DCUN1D4: variants seen among roughly 807,000 people sequenced by gnomAD.
DCUN1D4 encodes the protein defective in cullin neddylation 1 domain containing 4.
DCUN1D4 carries 22 observed loss-of-function variants against 47.9 expected under a neutral mutation model. The ratio of observed to expected loss-of-function variants is 0.46; its 90% CI spans 0.33 to 0.66. The LOEUF (loss-of-function observed/expected upper bound fraction) is 0.66. DCUN1D4 is among the 30% of genes least tolerant of loss of function. The probability of loss-of-function intolerance (pLI) is 0.02; values close to 1 mark genes in which losing one functional copy is unlikely to be tolerated. For missense variants in DCUN1D4, 301 were observed against 340.8 expected (o/e 0.88, Z 0.92); for synonymous variants, 121 against 112.2 (o/e 1.08, Z -0.50).
At position 51,916,261 on chromosome 4, in the gene DCUN1D4, T is replaced by A. The variant is rs1050177110; in HGVS notation, c.*2677T>A. 1 of 152,232 alleles carries A rather than the reference T, an allele frequency of 6.6e-6. No individual in the cohort carries two copies. The highest frequency in any genetic ancestry group is 1.5e-5 in the Non-Finnish European group (1 of 68,008). 9.4% of individuals were successfully genotyped at this position (152,232 alleles called of 1,614,324 possible). ...AGGTCAGAAATTGTATTATTTGATT[T>A]GCCTCAAACATCCACTGTAATGTTA... is the stretch of plus-strand genomic sequence containing the variant. On this transcript the variant is annotated 3_prime_UTR_variant, in exon 11 of 11. Coordinates refer to ENST00000334635, the MANE Select transcript of DCUN1D4 (RefSeq NM_001040402.3).
At chr4:51,854,525 C>T (rs1366863804) in intron 1 of DCUN1D4, among the ~76,000 whole-genome samples, 2 of 152,150 alleles carry the variant, frequency 1.3e-5, no homozygotes, top group Admixed American at 1.3e-4. Context: ...TGCTCAAGTC[C>T]TGCCATTGTA....
intron 4 of DCUN1D4, 45 bp downstream of exon 4, chr4:51,874,430 G>T (rs200476334): frequency 7.0e-7 from 1 of 1,434,288 alleles, no homozygotes; most frequent in Non-Finnish European, 9.7e-7. Context: ...TACATATGTC[G>T]AAGATGCACA....
rs1731256853 is a variant in DCUN1D4, at chr4:51,896,355, C to G, written c.507-2915C>G. Among the ~76,000 whole-genome samples, 3 of 152,104 alleles carry G rather than the reference C, an allele frequency of 2.0e-5. No homozygotes were observed. The South Asian group carries it at 6.2e-4, about 32-fold the overall frequency. On this transcript the variant is annotated intron_variant, in intron 7 of 10. Transcript: ENST00000334635. The stretch of plus-strand genomic sequence containing the variant: ...TACAGCTAACTTTATTTTCTTTTAA[C>G]TATGGGGTAGTTATCTAAATGAGTG...
chr4:51,861,779 G>A (rs1481254999), intron 1 of DCUN1D4, among the ~76,000 whole-genome samples: 1 of 152,050 alleles, frequency 6.6e-6, no homozygotes, highest in Non-Finnish European at 1.5e-5. Flanking sequence ...TAATCTGAGA[G>A]AGTACAAAAA....
intron 8 of DCUN1D4, among the ~76,000 whole-genome samples, chr4:51,904,389 A>G (rs974462112): frequency 3.3e-5 from 5 of 152,270 alleles, no homozygotes; most frequent in African/African-American, 1.2e-4. Flanking sequence ...GTTTCTTCAC[A>G]TGTGTATATG....
chr4:51,909,002 G>T (rs1249745426), intron 8 of DCUN1D4: 1 of 456,122 alleles, frequency 2.2e-6, no homozygotes, highest in Non-Finnish European at 4.4e-6. Flanking sequence ...CAGCTTTCCA[G>T]TCCTGTGAGT....
At chr4:51,844,331 T>C (rs1285124855) in intron 1 of DCUN1D4, 1 of 979,810 alleles carries the variant, frequency 1.0e-6, no homozygotes, top group Non-Finnish European at 1.2e-6. Flanking sequence ...GGGGCTGAGG[T>C]GGAGGAGACG....
intron 3 of DCUN1D4, among the ~76,000 whole-genome samples, chr4:51,868,676 C>T (rs1577913066): frequency 6.6e-6 from 1 of 152,170 alleles, no homozygotes; most frequent in African/African-American, 2.4e-5. Context: ...AGAGCCAAAC[C>T]TAAGTCACAG....
chr4:51,865,854 C>T lies in DCUN1D4; in HGVS notation c.136+2145C>T, dbSNP rs191473393. Among the ~76,000 whole-genome samples, 403 of 152,276 alleles carry T rather than the reference C, an allele frequency of 2.6e-3. 1 individual carries two copies. The highest frequency in any genetic ancestry group is 5.0e-3 in the Non-Finnish European group (342 of 68,022). On this transcript the variant is annotated intron_variant, in intron 3 of 10. Transcript: ENST00000334635. ...AGAATGCACAGGACTTTCAGCATTTCACCTGAATCACTGTCACAACTAGAT... is the reference window on the plus strand; with the variant it reads ...AGAATGCACAGGACTTTCAGCATTTTACCTGAATCACTGTCACAACTAGAT...
intron 7 of DCUN1D4, among the ~76,000 whole-genome samples, chr4:51,897,059 TAGAC>T (rs757019479): frequency 4.6e-5 from 7 of 152,192 alleles, no homozygotes; most frequent in African/African-American, 7.2e-5. Flanking sequence ...CTGTTCCTAA[TAGAC>T]AGAGAGCCTT....
At chr4:51,910,545 C>T (rs1299718454) in intron 8 of DCUN1D4, among the ~76,000 whole-genome samples, 5 of 152,082 alleles carry the variant, frequency 3.3e-5, no homozygotes, top group Admixed American at 1.3e-4. Flanking sequence ...TTCAGAGCCC[C>T]AGCATTTGGT....
intron 6 of DCUN1D4, among the ~76,000 whole-genome samples, chr4:51,891,423 C>G (rs1322012127): frequency 6.6e-6 from 1 of 152,132 alleles, no homozygotes; most frequent in East Asian, 1.9e-4. Context: ...ACAGGTAGAC[C>G]TATAAGATAA....
intron 9 of DCUN1D4, among the ~76,000 whole-genome samples, chr4:51,912,895 A>C (rs2110148261): frequency 6.6e-6 from 1 of 152,334 alleles, no homozygotes; most frequent in East Asian, 1.9e-4. Context: ...TTTAGCACTT[A>C]CTTTGTGCCA....
At chr4:51,866,526 CTG>C (rs1392968959) in intron 3 of DCUN1D4, among the ~76,000 whole-genome samples, 1 of 152,068 alleles carries the variant, frequency 6.6e-6, no homozygotes, top group South Asian at 2.1e-4. Context: ...TTTTTAATGA[CTG>C]TAATTTTCTA....
chr4:51,874,685 G>A, intron 4 of DCUN1D4: 1 of 251,444 alleles, frequency 4.0e-6, no homozygotes, highest in Non-Finnish European at 7.7e-6. Context: ...TGTGCCTGCT[G>A]AGGACCACAG....
intron 8 of DCUN1D4, among the ~76,000 whole-genome samples, chr4:51,904,848 A>G (rs978342041): frequency 6.6e-6 from 1 of 152,128 alleles, no homozygotes; most frequent in African/African-American, 2.4e-5. Flanking sequence ...CTGGAGGTAA[A>G]ACTCAATTAA....
chr4:51,860,033 C>CAA (rs1724801404), intron 1 of DCUN1D4, among the ~76,000 whole-genome samples: 1 of 152,172 alleles, frequency 6.6e-6, no homozygotes, highest in Non-Finnish European at 1.5e-5. Flanking sequence ...AGGGCTATTA[C>CAA]TTGCCATGAG....
Sources: allele counts gnomAD v4.1 joint callset (sites outside exome capture counted in the v4.1 genomes callset), GRCh38; gene constraint gnomAD v4.1.1; transcripts MANE v1.5; gene names NCBI Gene and HGNC (gene_info 2026-07-23, HGNC 2026-07-21).